The following ABCB5 variants were observed in gnomAD, a reference collection of about 807,000 sequenced individuals.
ABCB5 encodes ATP-binding cassette sub-family B member 5.
A neutral mutation model predicts 144.2 loss-of-function variants in ABCB5; 155 were observed. That is an observed-to-expected ratio of 1.08 (90% CI 0.94 to 1.23). The LOEUF is 1.23. Ranked by LOEUF, ABCB5 falls within the 50% of genes most tolerant of loss-of-function variation. The pLI is 0.00. For synonymous variants in ABCB5, 610 were observed against 528.6 expected, an observed-to-expected ratio of 1.15 and a Z score of -2.11; for missense variants, 1,830 against 1,520.8, an observed-to-expected ratio of 1.20 and a Z score of -3.38.
intron 23 of ABCB5, among the ~76,000 whole-genome samples, chr7:20,730,564 C>T (rs911524892): frequency 6.6e-6 from 1 of 152,172 alleles, no homozygotes; most frequent in Non-Finnish European, 1.5e-5. Flanking sequence ...CCTATGTTCT[C>T]CTAGCCTCTA....
chr7:20,750,407 C>T lies in ABCB5; in HGVS notation c.3430-2953C>T, dbSNP rs145136081. ...CTACACACACACACACACACACACA[C>T]ACACACACACACATATACACACAAG... On this transcript the variant is annotated intron_variant, in intron 26 of 27. Transcript: ENST00000404938. Among the ~76,000 whole-genome samples the T allele has an allele frequency of 9.9e-5, 15 of 151,984 alleles. No homozygotes were observed. The East Asian group carries it at 2.7e-3, about 27-fold the overall frequency.
rs147680755 is a variant in ABCB5, at chr7:20,735,827, G to A, written c.2868-3156G>A. 3.0e-3 allele frequency among the ~76,000 whole-genome samples: 460 copies of A among 152,262 alleles called. 2 individuals are homozygous for A. The highest frequency in any genetic ancestry group is 5.0e-3 in the Admixed American group (77 of 15,294). ...CCAACCCTACAATCTCATGTCTTCT[G>A]GGCAAATTGCATAATTTTTCTGAGC... On this transcript the variant is annotated intron_variant, in intron 23 of 27. Coordinates refer to ENST00000404938, the MANE Select transcript of ABCB5 (RefSeq NM_001163941.2).
chr7:20,655,023 CA>C (rs1339341080), intron 13 of ABCB5, among the ~76,000 whole-genome samples: 1 of 145,322 alleles, frequency 6.9e-6, no homozygotes, highest in Non-Finnish European at 1.5e-5. Context: ...TTACTGAAAC[CA>C]AAAGCTGGTT....
intron 20 of ABCB5, among the ~76,000 whole-genome samples, chr7:20,719,912 T>C (rs1488672974): frequency 2.7e-5 from 4 of 150,444 alleles, no homozygotes; most frequent in Non-Finnish European, 5.9e-5. Flanking sequence ...GAAACAAATA[T>C]AGATGTAAAT....
intron 1 of ABCB5, among the ~76,000 whole-genome samples, chr7:20,616,826 T>A (rs542306456): frequency 1.4e-4 from 21 of 152,356 alleles, no homozygotes; most frequent in African/African-American, 4.6e-4. Flanking sequence ...AACCTGTAGC[T>A]TTCCATACAG....
intron 14 of ABCB5, among the ~76,000 whole-genome samples, chr7:20,669,745 A>G (rs1442819952): frequency 1.1e-4 from 16 of 148,304 alleles, no homozygotes; most frequent in African/African-American, 4.0e-4. Context: ...AAAAAAAAAG[A>G]AAATAACATT....
At chr7:20,690,601 G>A (rs979809130) in intron 16 of ABCB5, among the ~76,000 whole-genome samples, 6 of 152,148 alleles carry the variant, frequency 3.9e-5, no homozygotes, top group Non-Finnish European at 7.4e-5. Flanking sequence ...GTGTGTGGGG[G>A]CCAGAGTAAG....
At chr7:20,653,038 C>A (rs552605618) in intron 13 of ABCB5, among the ~76,000 whole-genome samples, 27 of 152,154 alleles carry the variant, frequency 1.8e-4, no homozygotes, top group Non-Finnish European at 3.7e-4. Flanking sequence ...ATTTAAGGTG[C>A]TTCTTAAATC....
chr7:20,667,471 T>C lies in ABCB5; in HGVS notation c.1707+8795T>C, dbSNP rs539160199. 1,002 of 984,478 alleles carry C rather than the reference T, an allele frequency of 1.0e-3. 3 individuals are homozygous for C. Among genetic ancestry groups the C allele is most frequent in the Non-Finnish European group, 9.4e-4 (782 of 828,928 alleles). The allele number at this position is 984,478 out of a possible 1,614,324, so 61.0% of individuals were successfully genotyped here. ...AGTTGCAACCTTTTAATTGTTTGACTTTATATTCTGTCCTCTCAAATTCTC... is the reference window on the plus strand; with the variant it reads ...AGTTGCAACCTTTTAATTGTTTGACCTTATATTCTGTCCTCTCAAATTCTC... On this transcript the variant is annotated intron_variant, in intron 14 of 27. Coordinates refer to ENST00000404938, the MANE Select transcript of ABCB5 (RefSeq NM_001163941.2).
In ABCB5 at chr7:20,651,509, C is replaced by T. The variant is rs756443208; in HGVS notation, c.1422C>T (p.Phe474=). Residue 474 remains phenylalanine, a synonymous_variant, in exon 13 of 28, where the codon TTC becomes TTT. Coordinates refer to ENST00000404938, the MANE Select transcript of ABCB5 (RefSeq NM_001163941.2). ...TGGTTAGTCAAGAGCCTGTTTTGTT[C>T]GGGACCACCATCAGTAACAATATCA... The part of the protein sequence containing the change: ...IGVVSQEPVL[F]GTTISNNIKY... 2.1e-5 allele frequency: 34 copies of T among 1,613,934 alleles called. No individual in the cohort carries two copies. Among genetic ancestry groups the T allele is most frequent in the Admixed American group, 8.3e-5 (5 of 59,980 alleles).
At chr7:20,692,035 G>A (rs528843179) in intron 16 of ABCB5, among the ~76,000 whole-genome samples, 8 of 152,190 alleles carry the variant, frequency 5.3e-5, no homozygotes, top group East Asian at 1.9e-4. Context: ...TCTATATTCC[G>A]TATGTACATA....
At chr7:20,619,837 T>C (rs1385169795) in intron 1 of ABCB5, among the ~76,000 whole-genome samples, 1 of 152,250 alleles carries the variant, frequency 6.6e-6, no homozygotes, top group Non-Finnish European at 1.5e-5. Flanking sequence ...TTAATCAATC[T>C]TGAGTTAATT....
intron 14 of ABCB5, among the ~76,000 whole-genome samples, chr7:20,678,960 T>C (rs1785697319): frequency 6.6e-6 from 1 of 152,154 alleles, no homozygotes; most frequent in Non-Finnish European, 1.5e-5. Context: ...TGGCATCACA[T>C]ACAAAAACTA....
rs1417398661 is a variant in ABCB5 at position 20,723,094 on chromosome 7, G to A, written c.2500G>A (p.Gly834Arg). Reference protein sequence around the residue: ...GLSVIISFIYGWEMTFLILSI... With the variant: ...GLSVIISFIYRWEMTFLILSI... ...TTCAGTTATCATTTCCTTTATATAT[G>A]GATGGGAGATGACATTCCTGATTCT... The change falls in exon 21 of 28, where the codon GGA becomes AGA. Residue 834 changes from glycine to arginine, a missense_variant. Gly to Arg is a moderately radical substitution (Grantham distance 125). Transcript: ENST00000404938. 6 of 1,613,996 alleles carry A rather than the reference G, an allele frequency of 3.7e-6. No homozygotes were observed. Among genetic ancestry groups the A allele is most frequent in the Non-Finnish European group, 5.1e-6 (6 of 1,180,006 alleles).
intron 1 of ABCB5, among the ~76,000 whole-genome samples, chr7:20,622,519 G>C (rs1250842121): frequency 6.6e-6 from 1 of 151,894 alleles, no homozygotes; most frequent in Non-Finnish European, 1.5e-5. Flanking sequence ...TAATTAATTT[G>C]TAATTCCACT....
chr7:20,698,283 T>G, intron 16 of ABCB5, 124 bp from the exon 17 acceptor site: 1 of 792,456 alleles, frequency 1.3e-6, no homozygotes, highest in Non-Finnish European at 1.8e-6. Flanking sequence ...AGAAAAATAT[T>G]TTCTACCCTG....
At chr7:20,750,921 A>G (rs2128057554) in intron 26 of ABCB5, among the ~76,000 whole-genome samples, 1 of 152,300 alleles carries the variant, frequency 6.6e-6, no homozygotes, top group South Asian at 2.1e-4. Flanking sequence ...GGATCCTCTG[A>G]GACACACACC....
chr7:20,637,420 A>ATTT (rs71020651), intron 5 of ABCB5, among the ~76,000 whole-genome samples: 1 of 142,940 alleles, frequency 7.0e-6, no homozygotes. Context: ...TGATTACTTA[A>ATTT]TTTTTTTTTT....
intron 16 of ABCB5, among the ~76,000 whole-genome samples, chr7:20,694,680 C>G (rs889292978): frequency 7.3e-5 from 11 of 151,594 alleles, no homozygotes; most frequent in Admixed American, 5.3e-4. Context: ...ATTACTTATG[C>G]AAACAATCTT....
Sources: allele counts gnomAD v4.1 joint callset (sites outside exome capture counted in the v4.1 genomes callset), GRCh38; gene constraint gnomAD v4.1.1; transcripts MANE v1.5; gene names NCBI Gene and HGNC (gene_info 2026-07-23, HGNC 2026-07-21).